Variants in SGCZ observed in about 807,000 individuals in gnomAD.
SGCZ encodes sarcoglycan zeta.
SGCZ carries 40 observed loss-of-function variants against 41.3 expected under a neutral mutation model. That is an observed-to-expected ratio of 0.97 (90% CI 0.75 to 1.26). The LOEUF (loss-of-function observed/expected upper bound fraction) is 1.26. Ranked by LOEUF, SGCZ falls within the 50% of genes most tolerant of loss-of-function variation. SGCZ has a pLI of 0.00. For synonymous variants in SGCZ, 206 were observed against 137.5 expected, an observed-to-expected ratio of 1.50 and a Z score of -3.49; for missense variants, 552 against 369.8, an observed-to-expected ratio of 1.49 and a Z score of -4.04.
At chr8:14,386,023 C>G (rs1488812041) in intron 2 of SGCZ, among the ~76,000 whole-genome samples, 1 of 152,016 alleles carries the variant, frequency 6.6e-6, no homozygotes, top group African/African-American at 2.4e-5. Context: ...CTTTTAATGT[C>G]TATTATTCTT....
intron 4 of SGCZ, among the ~76,000 whole-genome samples, chr8:14,177,449 C>T (rs1804576520): frequency 1.3e-5 from 2 of 152,154 alleles, no homozygotes; most frequent in Admixed American, 1.3e-4. Context: ...AAACGGTTAA[C>T]CTACAAGTAT....
At chr8:14,094,997 T>TTAAG (rs1315573139) in intron 7 of SGCZ, among the ~76,000 whole-genome samples, 1 of 152,144 alleles carries the variant, frequency 6.6e-6, no homozygotes, top group East Asian at 1.9e-4. Flanking sequence ...TCTTGTAACT[T>TTAAG]TAAGTTCTTT....
At chr8:14,526,161 C>A (rs9325712) in intron 2 of SGCZ, among the ~76,000 whole-genome samples, 10,926 of 152,124 alleles carry the variant, frequency 0.072, 605 homozygotes, top group African/African-American at 0.16. Context: ...ATCACCTATA[C>A]AATTTAGCAA....
chr8:15,030,784 G>A (rs1035473968), intron 1 of SGCZ, among the ~76,000 whole-genome samples: 5 of 152,210 alleles, frequency 3.3e-5, no homozygotes, highest in South Asian at 2.1e-4. Flanking sequence ...AAAACCAGAC[G>A]AAGGGATACT....
At chr8:14,769,578 G>A (rs1334037045) in intron 1 of SGCZ, among the ~76,000 whole-genome samples, 1 of 152,036 alleles carries the variant, frequency 6.6e-6, no homozygotes, top group South Asian at 2.1e-4. Flanking sequence ...GATCATCTGA[G>A]GTCGGGAGTT....
intron 1 of SGCZ, among the ~76,000 whole-genome samples, chr8:15,232,884 T>C (rs907779131): frequency 2.6e-5 from 4 of 151,300 alleles, no homozygotes; most frequent in Non-Finnish European, 5.9e-5. Flanking sequence ...GTGATTAATA[T>C]AGTAATTAGC....
At chr8:14,196,473 G>T (rs930582178) in intron 4 of SGCZ, among the ~76,000 whole-genome samples, 1 of 151,962 alleles carries the variant, frequency 6.6e-6, no homozygotes, top group East Asian at 1.9e-4. Context: ...CTGTGAAAAA[G>T]AAATTGGTTA....
At chr8:15,040,944 A>T (rs7838757) in intron 1 of SGCZ, among the ~76,000 whole-genome samples, 3,209 of 152,230 alleles carry the variant, frequency 0.021, 128 homozygotes, top group African/African-American at 0.072. Context: ...AAGGTAAAAA[A>T]GTGTCTAATA....
At chr8:15,228,384 C>A (rs531435551) in intron 1 of SGCZ, among the ~76,000 whole-genome samples, 1 of 152,074 alleles carries the variant, frequency 6.6e-6, no homozygotes, top group Non-Finnish European at 1.5e-5. Flanking sequence ...TGTGCACAGA[C>A]CTGATTATTC....
chr8:15,003,612 C>T (rs773574782), intron 1 of SGCZ, among the ~76,000 whole-genome samples: 12 of 152,206 alleles, frequency 7.9e-5, no homozygotes, highest in South Asian at 4.2e-4. Flanking sequence ...ACAAATAGCA[C>T]GTCAAATAGA....
chr8:14,455,319 G>A (rs916071764), intron 2 of SGCZ, among the ~76,000 whole-genome samples: 3 of 151,934 alleles, frequency 2.0e-5, no homozygotes, highest in Non-Finnish European at 4.4e-5. Context: ...ACATAACTAA[G>A]GTACTGTTTT....
Position 14,750,377 on chromosome 8 carries a change from G to A in SGCZ, c.40-195451C>T, listed in dbSNP as rs577588775. Among the ~76,000 whole-genome samples, 25 of 152,214 alleles carry A rather than the reference G, an allele frequency of 1.6e-4. 1 individual carries two copies. Among genetic ancestry groups the A allele is most frequent in the African/African-American group, 6.0e-4 (25 of 41,560 alleles). ...TACAAAATAAATCATTTAAAATATA[G>A]TAAAGTAGGAGAACTGAATAATTTT... On this transcript the variant is annotated intron_variant, in intron 1 of 7. Coordinates refer to ENST00000382080, the MANE Select transcript of SGCZ (RefSeq NM_139167.4).
In SGCZ at chr8:15,234,227, C is replaced by T. The variant is rs75783116; in HGVS notation, c.39+3358G>A. On this transcript the variant is annotated intron_variant, in intron 1 of 7. Coordinates refer to ENST00000382080, the MANE Select transcript of SGCZ (RefSeq NM_139167.4). ...GAGCTAAAATAAAGGCTAAAGCTAG[C>T]AGTTAAATCTCGACTGCTAAAAGGC... Among the ~76,000 whole-genome samples the T allele has an allele frequency of 7.8e-3, 1,189 of 152,278 alleles. 15 individuals are homozygous for T. The highest frequency in any genetic ancestry group is 0.027 in the African/African-American group (1,125 of 41,560).
intron 1 of SGCZ, among the ~76,000 whole-genome samples, chr8:14,799,196 A>G (rs1300014498): frequency 3.3e-5 from 5 of 152,138 alleles, no homozygotes. Flanking sequence ...GATATTTAGA[A>G]TCCATTTATT....
intron 2 of SGCZ, among the ~76,000 whole-genome samples, chr8:14,387,111 C>G (rs538782881): frequency 1.3e-5 from 2 of 152,164 alleles, no homozygotes; most frequent in South Asian, 4.1e-4. Context: ...TTGGCTCAGG[C>G]TGAAATGCAG....
intron 1 of SGCZ, among the ~76,000 whole-genome samples, chr8:14,630,319 C>T (rs1462300460): frequency 1.3e-5 from 2 of 151,456 alleles, no homozygotes; most frequent in Non-Finnish European, 2.9e-5. Context: ...GTGGGCTGTT[C>T]TAAGAGAGAG....
At chr8:15,211,083 A>G (rs1001972569) in intron 1 of SGCZ, among the ~76,000 whole-genome samples, 15 of 150,484 alleles carry the variant, frequency 1.0e-4, no homozygotes, top group African/African-American at 3.6e-4. Context: ...ATAGATAGAT[A>G]TAGATATAGA....
chr8:15,041,033 A>G (rs1207316501), intron 1 of SGCZ, among the ~76,000 whole-genome samples: 2 of 152,068 alleles, frequency 1.3e-5, no homozygotes, highest in Non-Finnish European at 2.9e-5. Flanking sequence ...ATAATAGAGT[A>G]AAATATAAGT....
At chr8:14,816,524 C>G (rs1260532612) in intron 1 of SGCZ, among the ~76,000 whole-genome samples, 2 of 152,082 alleles carry the variant, frequency 1.3e-5, no homozygotes, top group African/African-American at 4.8e-5. Context: ...GTATAATTAA[C>G]TATGTAAATA....
Sources: gnomAD v4.1 joint callset for allele counts (sites outside exome capture counted in the v4.1 genomes callset) on GRCh38, gnomAD v4.1.1 for gene constraint, MANE v1.5 for transcripts, NCBI Gene and HGNC (gene_info 2026-07-23, HGNC 2026-07-21) for gene names.